The following LNPEP variants were observed in gnomAD, a reference collection of about 807,000 sequenced individuals.
LNPEP encodes the protein leucyl and cystinyl aminopeptidase, also known as leucyl-cystinyl aminopeptidase.
LNPEP carries 64 observed loss-of-function variants against 120.6 expected under a neutral mutation model. That is an observed-to-expected ratio of 0.53 (90% confidence interval 0.43 to 0.65). The LOEUF (loss-of-function observed/expected upper bound fraction) is 0.65. LNPEP is among the 30% of genes least tolerant of loss of function. LNPEP has a pLI of 0.00. For missense variants in LNPEP, 1,057 were observed against 1,200.0 expected, an observed-to-expected ratio of 0.88 and a Z score of 1.76; for synonymous variants, 435 against 425.4, an observed-to-expected ratio of 1.02 and a Z score of -0.28.
At chr5:96,994,875 G>A (rs947207704) in intron 6 of LNPEP, among the ~76,000 whole-genome samples, 5 of 152,240 alleles carry the variant, frequency 3.3e-5, no homozygotes, top group East Asian at 1.9e-4. Flanking sequence ...TTTGAGAGGC[G>A]GAGGCAGGCG....
In LNPEP at chr5:97,037,327, G is replaced by A. The variant is rs1406063435; in HGVS notation, c.*8794G>A. On this transcript the variant is annotated 3_prime_UTR_variant, in exon 18 of 18. Coordinates refer to ENST00000231368, the MANE Select transcript of LNPEP (RefSeq NM_005575.3). The stretch of plus-strand genomic sequence containing the variant: ...TAATCTGTCTTTTGTGAAACATTTT[G>A]AAAATATGTATATATAATATTGTAT... 1.3e-5 allele frequency: 2 copies of A among 152,020 alleles called. No homozygotes were observed. The highest frequency in any genetic ancestry group is 2.9e-5 in the Non-Finnish European group (2 of 68,004). 9.4% of individuals were successfully genotyped at this position (152,020 alleles called of 1,614,324 possible).
Position 97,032,332 on chromosome 5 carries a change from T to G in LNPEP, c.*3799T>G, listed in dbSNP as rs915275088. 1 of 152,246 alleles carries G rather than the reference T, an allele frequency of 6.6e-6. No individual in the cohort carries two copies. Among genetic ancestry groups the G allele is most frequent in the Non-Finnish European group, 1.5e-5 (1 of 68,042 alleles). 9.4% of individuals were successfully genotyped at this position (152,246 alleles called of 1,614,324 possible). A position where few individuals can be genotyped will look rare whatever the true frequency, so the allele number is the denominator to read the frequency against. On this transcript the variant is annotated 3_prime_UTR_variant, in exon 18 of 18. Coordinates refer to ENST00000231368, the MANE Select transcript of LNPEP (RefSeq NM_005575.3). ...TTCTTTTATTTTGTGCTCCATTCCC[T>G]GCTTTGCCAGTTAAGTACTACCTGA...
At chr5:96,945,102 C>CA (rs909691810) in intron 1 of LNPEP, among the ~76,000 whole-genome samples, 17 of 151,582 alleles carry the variant, frequency 1.1e-4, no homozygotes, top group African/African-American at 3.9e-4. Context: ...TCTCCTGGAT[C>CA]AAAAAAAGAC....
rs759855715 is a variant in LNPEP, at chr5:97,034,610, A to G, written c.*6077A>G. On this transcript the variant is annotated 3_prime_UTR_variant, in exon 18 of 18. Transcript: ENST00000231368. ...ATTCTTTGCCTTCCTCAGAGCCTGT[A>G]TACACAAGCAAGTAGTATGTGAGCA... 47 of 152,152 alleles carry G rather than the reference A, an allele frequency of 3.1e-4. No homozygotes were observed. The highest frequency in any genetic ancestry group is 6.8e-3 in the Middle Eastern group (2 of 294). 9.4% of individuals were successfully genotyped at this position (152,152 alleles called of 1,614,324 possible).
At chr5:96,995,485 A>G (rs1434367166) in intron 6 of LNPEP, among the ~76,000 whole-genome samples, 1 of 150,962 alleles carries the variant, frequency 6.6e-6, no homozygotes, top group African/African-American at 2.4e-5. Context: ...AGAAGAAAAT[A>G]TTTAAAGCTC....
chr5:96,967,126 A>T (rs896590421), intron 1 of LNPEP, among the ~76,000 whole-genome samples: 1 of 152,116 alleles, frequency 6.6e-6, no homozygotes, highest in African/African-American at 2.4e-5. Context: ...TTTACATTTT[A>T]AGTCATCTGA....
At chr5:96,937,329 A>T (rs2548225) in intron 1 of LNPEP, 60,968 of 151,594 alleles carry the variant, frequency 0.4, 12,267 homozygotes, top group Non-Finnish European at 0.43. Flanking sequence ...TATTCTCCCT[A>T]TTCCTAATGT....
At chr5:96,988,496 G>A (rs149896018) in intron 4 of LNPEP, among the ~76,000 whole-genome samples, 5,691 of 151,276 alleles carry the variant, frequency 0.038, 187 homozygotes, top group Middle Eastern at 0.11. Context: ...CCTCCACCAC[G>A]CCCGGCTAAT....
chr5:96,939,976 C>T (rs2112554107), intron 1 of LNPEP, among the ~76,000 whole-genome samples: 1 of 152,194 alleles, frequency 6.6e-6, no homozygotes, highest in East Asian at 1.9e-4. Context: ...AAAGACAACT[C>T]TTAAGAAATA....
chr5:96,978,988 T>A (rs1321987541), intron 1 of LNPEP, 150 bp from the exon 2 acceptor site: 1 of 786,048 alleles, frequency 1.3e-6, no homozygotes, highest in Admixed American at 3.2e-5. Context: ...AAACATCTTA[T>A]TTAATTCAGT....
At chr5:97,003,306 A>G in intron 8 of LNPEP, 109 bp from the exon 9 acceptor site, 2 of 641,046 alleles carry the variant, frequency 3.1e-6, no homozygotes, top group Non-Finnish European at 2.6e-6. Flanking sequence ...AGTTCTACAT[A>G]TGAAAGTAAA....
rs142195192 is a variant in LNPEP at position 97,035,747 on chromosome 5, A to G, written c.*7214A>G. On this transcript the variant is annotated 3_prime_UTR_variant, in exon 18 of 18. Transcript: ENST00000231368. The stretch of plus-strand genomic sequence containing the variant: ...CTATACCTAACAAAAATAAAGACCT[A>G]CTAAATCCCTGCCATCTGGCTGGAA... 17 of 152,306 alleles carry G rather than the reference A, an allele frequency of 1.1e-4. No homozygotes were observed. The highest frequency in any genetic ancestry group is 3.4e-4 in the African/African-American group (14 of 41,586). 9.4% of individuals were successfully genotyped at this position (152,306 alleles called of 1,614,324 possible). A position where few individuals can be genotyped will look rare whatever the true frequency, so the allele number is the denominator to read the frequency against.
At chr5:97,024,331 G>A (rs1791286922) in intron 14 of LNPEP, among the ~76,000 whole-genome samples, 190 bp from the exon 15 acceptor site, 1 of 152,170 alleles carries the variant, frequency 6.6e-6, no homozygotes, top group African/African-American at 2.4e-5. Flanking sequence ...AAATTGAACT[G>A]ATGTATCCAT....
intron 1 of LNPEP, among the ~76,000 whole-genome samples, chr5:96,961,597 C>T (rs929394979): frequency 3.3e-5 from 5 of 152,092 alleles, no homozygotes; most frequent in African/African-American, 1.2e-4. Context: ...GGGCACTGTG[C>T]TGTACGTTCA....
At chr5:96,959,708 T>G (rs1477574596) in intron 1 of LNPEP, among the ~76,000 whole-genome samples, 1 of 152,120 alleles carries the variant, frequency 6.6e-6, no homozygotes, top group Admixed American at 6.5e-5. Flanking sequence ...AAATTTGATT[T>G]AGCTAAATCC....
At chr5:97,015,747 T>C (rs1791051053) in intron 13 of LNPEP, among the ~76,000 whole-genome samples, 1 of 152,150 alleles carries the variant, frequency 6.6e-6, no homozygotes, top group Non-Finnish European at 1.5e-5. Flanking sequence ...CAGAGTTTGC[T>C]TTATAAACTA....
At chr5:97,019,964 G>A (rs17531213) in intron 13 of LNPEP, among the ~76,000 whole-genome samples, 5,701 of 152,248 alleles carry the variant, frequency 0.037, 185 homozygotes, top group Middle Eastern at 0.11. Context: ...CATCGTCAGC[G>A]TAGCAAGTAT....
At chr5:96,966,563 A>C (rs1404114591) in intron 1 of LNPEP, among the ~76,000 whole-genome samples, 1 of 150,548 alleles carries the variant, frequency 6.6e-6, no homozygotes, top group Non-Finnish European at 1.5e-5. Flanking sequence ...TAGTGAAGAG[A>C]AACCTGGCCC....
At chr5:97,003,601 C>G in intron 9 of LNPEP, 55 bp downstream of exon 9, 1 of 1,283,918 alleles carries the variant, frequency 7.8e-7, no homozygotes, top group Admixed American at 2.4e-5. Flanking sequence ...AGGAGTTCGT[C>G]TATTTATACT....
Sources: gnomAD v4.1 joint callset for allele counts (sites outside exome capture counted in the v4.1 genomes callset) on GRCh38, gnomAD v4.1.1 for gene constraint, MANE v1.5 for transcripts, NCBI Gene and HGNC (gene_info 2026-07-23, HGNC 2026-07-21) for gene names.